DNAH8: variants seen among roughly 807,000 people sequenced by gnomAD.
DNAH8 encodes dynein axonemal heavy chain 8, also known as axonemal beta dynein heavy chain 8.
In DNAH8, 382 loss-of-function variants were observed where a neutral mutation model predicts 562.1. That is an observed-to-expected ratio of 0.68 (90% CI 0.63 to 0.74). The LOEUF is 0.74. DNAH8 is among the 30% of genes least tolerant of loss of function. The pLI is 0.00. For synonymous variants in DNAH8, 1,881 were observed against 1,919.4 expected, an observed-to-expected ratio of 0.98 and a Z score of 0.52; for missense variants, 5,203 against 5,620.4, an observed-to-expected ratio of 0.93 and a Z score of 2.37.
chr6:38,904,808 A>AG (rs1441673661), intron 62 of DNAH8, among the ~76,000 whole-genome samples: 15 of 151,742 alleles, frequency 9.9e-5, no homozygotes, highest in Non-Finnish European at 1.5e-4. Flanking sequence ...AAAAAAAAAA[A>AG]AAAAGAAAGA....
intron 11 of DNAH8, among the ~76,000 whole-genome samples, chr6:38,765,309 T>G (rs537580749): frequency 1.3e-5 from 2 of 152,348 alleles, no homozygotes; most frequent in East Asian, 3.9e-4. Flanking sequence ...CTTTATAGTT[T>G]GATACAATCT....
intron 88 of DNAH8, among the ~76,000 whole-genome samples, chr6:38,995,668 A>G (rs1765089418): frequency 6.6e-6 from 1 of 152,210 alleles, no homozygotes. Context: ...AATCTGGTCT[A>G]ATAAGCTGGA....
chr6:38,984,827 C>T (rs907003522), intron 87 of DNAH8, among the ~76,000 whole-genome samples: 6 of 152,088 alleles, frequency 3.9e-5, no homozygotes, highest in African/African-American at 1.4e-4. Context: ...AACCAACAAT[C>T]TACTTGTGGT....
chr6:38,853,133 G>A (rs1775891311), intron 40 of DNAH8, 53 bp from the exon 41 acceptor site: 1 of 1,478,622 alleles, frequency 6.8e-7, no homozygotes. Flanking sequence ...TGGAACGTCT[G>A]TAAAAATGCC....
chr6:38,926,246 A>G (rs752411014), intron 74 of DNAH8, 36 bp downstream of exon 74: 1 of 1,597,676 alleles, frequency 6.3e-7, no homozygotes, highest in Non-Finnish European at 8.5e-7. Flanking sequence ...AGTAATCTTG[A>G]AATCATGAAA....
intron 31 of DNAH8, among the ~76,000 whole-genome samples, chr6:38,833,661 T>C: frequency 6.6e-6 from 1 of 152,322 alleles, no homozygotes; most frequent in South Asian, 2.1e-4. Context: ...GACAACTTTA[T>C]AAATGAAACC....
rs982705 is a variant in DNAH8, at chr6:38,832,179, A to G, written c.4189-143A>G. 396,639 of 604,442 alleles carry G rather than the reference A, an allele frequency of 0.66. 131,781 individuals carry two copies. Among genetic ancestry groups the G allele is most frequent in the East Asian group, 0.82 (29,681 of 36,054 alleles). The allele number at this position is 604,442 out of a possible 1,614,324, so 37.4% of individuals were successfully genotyped here. ...AGTCTCCTGTAGGTTCATTTGGGTT[A>G]TTAATATATTTTATTACAAGCAAAC... On this transcript the variant is annotated intron_variant, in intron 30 of 92. Coordinates refer to ENST00000327475, the MANE Select transcript of DNAH8 (RefSeq NM_001206927.2).
At chr6:39,017,314 G>A (rs1353582841) in intron 91 of DNAH8, among the ~76,000 whole-genome samples, 1 of 152,088 alleles carries the variant, frequency 6.6e-6, no homozygotes, top group East Asian at 1.9e-4. Context: ...TTAGATTCTG[G>A]TGCATGAGCT....
chr6:38,805,382 C>A, intron 22 of DNAH8, 99 bp from the exon 23 acceptor site: 1 of 722,922 alleles, frequency 1.4e-6, no homozygotes, highest in South Asian at 1.6e-5. Context: ...AAAGTAAGAG[C>A]TTTTTAAAAA....
At chr6:38,897,130 T>C (rs925601162) in intron 60 of DNAH8, among the ~76,000 whole-genome samples, 2 of 152,106 alleles carry the variant, frequency 1.3e-5, no homozygotes, top group African/African-American at 4.8e-5. Flanking sequence ...CCTCCCAAAT[T>C]CTGGAGTGAC....
intron 77 of DNAH8, among the ~76,000 whole-genome samples, chr6:38,937,528 A>G (rs2150591088): frequency 6.6e-6 from 1 of 152,292 alleles, no homozygotes; most frequent in Non-Finnish European, 1.5e-5. Context: ...AACTATCAGC[A>G]TGACAGTCAG....
In DNAH8 at chr6:38,741,569, A is replaced by C. The variant is rs1034196161; in HGVS notation, c.1117-142A>C. ...TATCATATTGAAGACATTCTCCTCT[A>C]GTCTTCATTTACTGAGAGTTTTTAA... On this transcript the variant is annotated intron_variant, in intron 7 of 92. Transcript: ENST00000327475. The C allele has an allele frequency of 4.8e-6, 3 of 622,852 alleles. No homozygotes were observed. The Admixed American group carries it at 9.9e-5, about 20-fold the overall frequency. 38.6% of individuals were successfully genotyped at this position (622,852 alleles called of 1,614,324 possible).
In DNAH8 at chr6:38,924,180, A is replaced by C; in HGVS notation, c.10962+18A>C. The C allele has an allele frequency of 6.2e-7, 1 of 1,608,922 alleles. No homozygotes were observed. Among genetic ancestry groups the C allele is most frequent in the Non-Finnish European group, 8.5e-7 (1 of 1,176,972 alleles). On this transcript the variant is annotated intron_variant, in intron 73 of 92. Coordinates refer to ENST00000327475, the MANE Select transcript of DNAH8 (RefSeq NM_001206927.2). ...CTCCAACTGTAAGTTTTACTTTCCC[A>C]ATGTTATTTGAATTTCAGTCTCATT...
intron 88 of DNAH8, among the ~76,000 whole-genome samples, chr6:38,997,861 G>T (rs958403730): frequency 1.3e-4 from 20 of 152,140 alleles, no homozygotes; most frequent in Admixed American, 4.6e-4. Flanking sequence ...AGGCTCAAGC[G>T]GTTCTCATGT....
intron 36 of DNAH8, 50 bp downstream of exon 36, chr6:38,845,823 A>G: frequency 6.7e-7 from 1 of 1,483,560 alleles, no homozygotes; most frequent in Non-Finnish European, 9.4e-7. Context: ...TTAGGGTTAT[A>G]AAATTCTAAG....
chr6:38,920,659 A>G (rs751725553), intron 70 of DNAH8, among the ~76,000 whole-genome samples: 3 of 152,180 alleles, frequency 2.0e-5, no homozygotes, highest in Non-Finnish European at 2.9e-5. Flanking sequence ...TGAGTAGGAA[A>G]AAGGTTAATT....
rs575117957 is a variant in DNAH8 at position 38,876,157 on chromosome 6, C to T, written c.7858+329C>T. On this transcript the variant is annotated intron_variant, in intron 53 of 92. Coordinates refer to ENST00000327475, the MANE Select transcript of DNAH8 (RefSeq NM_001206927.2). The stretch of plus-strand genomic sequence containing the variant: ...TGGAGAACACAGATTCTTCATGATG[C>T]AAAGCATGCTAATACACATAACGGA... Among the ~76,000 whole-genome samples, 5 of 152,302 alleles carry T rather than the reference C, an allele frequency of 3.3e-5. No individual in the cohort carries two copies. In the South Asian group the frequency reaches 1.0e-3, roughly 32 times the overall value.
At chr6:38,715,958 ATATTTTT>A (rs1185658215) in intron 1 of DNAH8, among the ~76,000 whole-genome samples, 2 of 31,048 alleles carry the variant, frequency 6.4e-5, no homozygotes, top group East Asian at 1.6e-3. Flanking sequence ...ATATATATAT[ATATTTTT>A]TTTTTTTTTT....
rs575645224 is a variant in DNAH8, at chr6:39,006,753, A to G, written c.13215-2061A>G. Among the ~76,000 whole-genome samples the G allele has an allele frequency of 4.9e-4, 75 of 152,364 alleles. 1 individual carries two copies. The highest frequency in any genetic ancestry group is 1.8e-3 in the African/African-American group (73 of 41,592). On this transcript the variant is annotated intron_variant, in intron 88 of 92. Coordinates refer to ENST00000327475, the MANE Select transcript of DNAH8 (RefSeq NM_001206927.2). Reference sequence around the variant, plus strand: ...TTAACTAATGTTACAAACATGGTGAATTCAGAATTTTCAGGAAAGATTTTT... The same window carrying G: ...TTAACTAATGTTACAAACATGGTGAGTTCAGAATTTTCAGGAAAGATTTTT...
Sources: allele counts gnomAD v4.1 joint callset (sites outside exome capture counted in the v4.1 genomes callset), GRCh38; gene constraint gnomAD v4.1.1; transcripts MANE v1.5; gene names NCBI Gene and HGNC (gene_info 2026-07-23, HGNC 2026-07-21).